The following LEMD3 variants were observed in gnomAD, a reference collection of about 807,000 sequenced individuals.
The protein encoded by LEMD3 is inner nuclear membrane protein Man1.
Under a neutral mutation model 95.2 loss-of-function variants are expected in LEMD3, and 33 were observed. The observed-to-expected ratio is 0.35, with a 90% CI of 0.26 to 0.46. LEMD3 has a LOEUF of 0.46. Ranked by LOEUF, LEMD3 falls within the 20% of genes least tolerant of loss-of-function variation. The pLI, the probability that LEMD3 is intolerant of heterozygous loss-of-function variation, is 1.00. For synonymous variants in LEMD3, 525 were observed against 474.6 expected (o/e 1.11, Z -1.38); for missense variants, 1,210 against 1,192.8 (o/e 1.01, Z -0.21).
At position 65,240,151 on chromosome 12, in the gene LEMD3, A is replaced by G. The variant is rs200391612; in HGVS notation, c.2039A>G (p.His680Arg). ...VVKIIDVLRS[H>R]NEACQENKDL... ...TTATTTTTAGATGTTTTACGAAGTC[A>G]TAATGAAGCCTGCCAGGAAAACAAA... is the stretch of plus-strand genomic sequence containing the variant. Residue 680 changes from histidine (H) to arginine (R), a missense_variant, in exon 8 of 13, where the codon CAT (histidine) becomes CGT (arginine). Physicochemically the swap from His to Arg is conservative, Grantham distance 29 (BLOSUM62 0). Transcript: ENST00000308330. The G allele has an allele frequency of 9.5e-5, 154 of 1,613,324 alleles. No homozygotes were observed. The highest frequency in any genetic ancestry group is 8.5e-7 in the Non-Finnish European group (1 of 1,179,312).
intron 4 of LEMD3, among the ~76,000 whole-genome samples, chr12:65,233,454 T>C (rs1296472973): frequency 1.3e-5 from 2 of 152,222 alleles, no homozygotes; most frequent in South Asian, 2.1e-4. Flanking sequence ...CTAAAGACTA[T>C]GTTTTTTTCT....
At chr12:65,206,062 T>C (rs1316585168) in intron 1 of LEMD3, among the ~76,000 whole-genome samples, 1 of 152,164 alleles carries the variant, frequency 6.6e-6, no homozygotes, top group East Asian at 1.9e-4. Context: ...TAGATTGGTC[T>C]GGATGATAGT....
chr12:65,193,789 C>A (rs552057862), intron 1 of LEMD3, among the ~76,000 whole-genome samples: 14 of 121,178 alleles, frequency 1.2e-4, no homozygotes, highest in Middle Eastern at 4.1e-3. Context: ...GGGAGGGGGC[C>A]TCTCCTGCCC....
Position 65,200,034 on chromosome 12 carries a change from G to T in LEMD3, c.1523-10892G>T, listed in dbSNP as rs918465460. Among the ~76,000 whole-genome samples, 55 of 151,520 alleles carry T rather than the reference G, an allele frequency of 3.6e-4. 1 individual carries two copies. Among genetic ancestry groups the T allele is most frequent in the Admixed American group, 2.4e-3 (37 of 15,204 alleles). On this transcript the variant is annotated intron_variant, in intron 1 of 12. Transcript: ENST00000308330. The stretch of plus-strand genomic sequence containing the variant: ...TAACAAGGGAACAGAGGGGTTGGGG[G>T]TGCAACCCCTGCACCCCCAACCCCT...
rs775574495 is a variant in LEMD3, at chr12:65,169,774, G to A, written c.178G>A (p.Gly60Ser). 3.4e-5 allele frequency: 54 copies of A among 1,582,216 alleles called. 1 individual carries two copies. In the South Asian group the frequency reaches 4.9e-4, roughly 14 times the overall value. ...EQQQHRSGGRGNKTRNSNNNN... is the reference protein window; with the variant it reads ...EQQQHRSGGRSNKTRNSNNNN... ...GCAACAGCACCGGTCAGGGGGCCGCGGCAACAAGACGCGGAACAGTAATAA... is the reference window on the plus strand; with the variant it reads ...GCAACAGCACCGGTCAGGGGGCCGCAGCAACAAGACGCGGAACAGTAATAA... Residue 60 changes from glycine to serine, a missense_variant, in exon 1 of 13, where the codon GGC becomes AGC. By Grantham distance (56) the Gly-to-Ser change is moderately conservative. Transcript: ENST00000308330.
At chr12:65,172,114 G>C (rs2136314338) in intron 1 of LEMD3, among the ~76,000 whole-genome samples, 1 of 152,304 alleles carries the variant, frequency 6.6e-6, no homozygotes, top group East Asian at 1.9e-4. Flanking sequence ...GTAGGTTAGA[G>C]TGGTTAAGCA....
At chr12:65,187,613 AT>A (rs200013748) in intron 1 of LEMD3, among the ~76,000 whole-genome samples, 2,074 of 152,070 alleles carry the variant, frequency 0.014, 57 homozygotes, top group African/African-American at 0.048. Context: ...AAAAAAAAAA[AT>A]CTCACATTCT....
intron 1 of LEMD3, among the ~76,000 whole-genome samples, chr12:65,207,056 G>A (rs1295521677): frequency 1.3e-5 from 2 of 152,042 alleles, no homozygotes; most frequent in Non-Finnish European, 2.9e-5. Flanking sequence ...CAATATTTCT[G>A]TCTGCAAAAA....
intron 1 of LEMD3, among the ~76,000 whole-genome samples, chr12:65,207,211 A>T (rs1318888876): frequency 6.6e-6 from 1 of 152,150 alleles, no homozygotes; most frequent in African/African-American, 2.4e-5. Context: ...GGTTGTAGTA[A>T]TCAAGACTAT....
chr12:65,210,681 T>C (rs535769750), intron 1 of LEMD3, among the ~76,000 whole-genome samples: 1 of 152,318 alleles, frequency 6.6e-6, no homozygotes, highest in South Asian at 2.1e-4. Flanking sequence ...TGAACTCAGC[T>C]TCTGTGATAC....
intron 1 of LEMD3, among the ~76,000 whole-genome samples, chr12:65,200,792 G>T (rs958104235): frequency 5.9e-5 from 9 of 152,018 alleles, no homozygotes; most frequent in Non-Finnish European, 1.0e-4. Flanking sequence ...TGTCTTTTAT[G>T]GAGCAGAAAT....
At chr12:65,173,706 TTTC>T (rs1452616460) in intron 1 of LEMD3, among the ~76,000 whole-genome samples, 7 of 152,206 alleles carry the variant, frequency 4.6e-5, no homozygotes, top group African/African-American at 1.7e-4. Flanking sequence ...AGTTAAGACA[TTTC>T]TATAAATGAC....
chr12:65,240,448 T>A (rs930570989), intron 8 of LEMD3: 9 of 550,942 alleles, frequency 1.6e-5, no homozygotes, highest in Non-Finnish European at 2.9e-5. Flanking sequence ...GATTTCTAAG[T>A]CATTCTCATT....
intron 2 of LEMD3, among the ~76,000 whole-genome samples, chr12:65,212,667 A>G (rs1377135453): frequency 6.6e-6 from 1 of 152,246 alleles, no homozygotes; most frequent in Non-Finnish European, 1.5e-5. Flanking sequence ...TCCAAAATGA[A>G]AAACAATAGT....
intron 1 of LEMD3, among the ~76,000 whole-genome samples, chr12:65,197,766 A>G (rs1315026509): frequency 1.3e-5 from 2 of 152,076 alleles, no homozygotes; most frequent in African/African-American, 4.8e-5. Flanking sequence ...TGTTGTCTGT[A>G]TGTATAATGC....
At chr12:65,194,193 C>T (rs979611570) in intron 1 of LEMD3, among the ~76,000 whole-genome samples, 2 of 152,132 alleles carry the variant, frequency 1.3e-5, no homozygotes, top group Non-Finnish European at 2.9e-5. Flanking sequence ...GCTCAAGTTC[C>T]ACAGTTGGCC....
At chr12:65,196,351 C>T (rs561963625) in intron 1 of LEMD3, among the ~76,000 whole-genome samples, 2 of 152,154 alleles carry the variant, frequency 1.3e-5, no homozygotes, top group South Asian at 4.2e-4. Context: ...CCAAACAGAA[C>T]TCTTGTTTCT....
At chr12:65,211,011 G>T in intron 2 of LEMD3, 48 bp downstream of exon 2, 1 of 1,347,988 alleles carries the variant, frequency 7.4e-7, no homozygotes, top group Non-Finnish European at 1.1e-6. Flanking sequence ...TGTTTTATAT[G>T]ATAAAAGCAT....
chr12:65,194,791 GT>G (rs1869359235), intron 1 of LEMD3, among the ~76,000 whole-genome samples: 1 of 10,042 alleles, frequency 1.0e-4, no homozygotes, highest in African/African-American at 1.0e-3. Context: ...GGAATGGTTA[GT>G]ATTTAAACTA....
Sources: gnomAD v4.1 joint callset for allele counts (sites outside exome capture counted in the v4.1 genomes callset) on GRCh38, gnomAD v4.1.1 for gene constraint, MANE v1.5 for transcripts, NCBI Gene and HGNC (gene_info 2026-07-23, HGNC 2026-07-21) for gene names.